The following CNTNAP2 variants were observed in gnomAD, a reference collection of about 807,000 sequenced individuals.
CNTNAP2 encodes contactin-associated protein-like 2.
A neutral mutation model predicts 155.2 loss-of-function variants in CNTNAP2; 98 were observed. The ratio of observed to expected loss-of-function variants is 0.63; its 90% CI spans 0.54 to 0.75. The LOEUF (loss-of-function observed/expected upper bound fraction) is 0.75, where lower values mean the gene tolerates loss of function less well. CNTNAP2 is among the 30% of genes least tolerant of loss of function. The pLI is 0.00. For synonymous variants in CNTNAP2, 651 were observed against 631.2 expected (o/e 1.03, Z -0.47); for missense variants, 1,727 against 1,688.1 (o/e 1.02, Z -0.40).
intron 22 of CNTNAP2, among the ~76,000 whole-genome samples, chr7:148,395,100 A>G (rs1017618372): frequency 1.4e-5 from 2 of 143,118 alleles, no homozygotes; most frequent in African/African-American, 2.6e-5. Flanking sequence ...CGTGTTTTTT[A>G]TATTGAATGT....
chr7:148,194,902 G>C (rs1250605177), intron 18 of CNTNAP2, among the ~76,000 whole-genome samples: 9 of 152,148 alleles, frequency 5.9e-5, no homozygotes, highest in Non-Finnish European at 1.2e-4. Context: ...CACCCTCACA[G>C]ACACACCCCA....
At chr7:147,459,885 G>A (rs78700542) in intron 10 of CNTNAP2, among the ~76,000 whole-genome samples, 2,831 of 152,202 alleles carry the variant, frequency 0.019, 76 homozygotes, top group African/African-American at 0.064. Context: ...AAATAGGTAG[G>A]TCTGAAACAG....
intron 1 of CNTNAP2, among the ~76,000 whole-genome samples, chr7:146,126,884 C>A (rs1263389106): frequency 6.6e-6 from 1 of 152,182 alleles, no homozygotes; most frequent in East Asian, 1.9e-4. Context: ...CCTATCACAG[C>A]TTCTATAGTT....
At chr7:147,176,182 A>G (rs1228597247) in intron 8 of CNTNAP2, among the ~76,000 whole-genome samples, 2 of 152,232 alleles carry the variant, frequency 1.3e-5, no homozygotes, top group African/African-American at 4.8e-5. Flanking sequence ...CTCTAAGGCC[A>G]GAAAGCCTAA....
chr7:146,122,621 G>T (rs529589236), intron 1 of CNTNAP2, among the ~76,000 whole-genome samples: 10 of 151,404 alleles, frequency 6.6e-5, no homozygotes, highest in African/African-American at 9.7e-5. Flanking sequence ...TGAAGATTTG[G>T]TGTTACTCTG....
intron 1 of CNTNAP2, among the ~76,000 whole-genome samples, chr7:146,672,711 C>T (rs1800331578): frequency 6.6e-6 from 1 of 152,162 alleles, no homozygotes; most frequent in South Asian, 2.1e-4. Flanking sequence ...CAAATAGGTA[C>T]AATGCACTGT....
At chr7:146,508,944 C>CT (rs34659194) in intron 1 of CNTNAP2, among the ~76,000 whole-genome samples, 2 of 152,138 alleles carry the variant, frequency 1.3e-5, no homozygotes, top group South Asian at 2.1e-4. Context: ...TACCTTCCCC[C>CT]TTTTTATGGC....
chr7:147,438,157 T>A (rs568100626), intron 10 of CNTNAP2, among the ~76,000 whole-genome samples: 25 of 152,044 alleles, frequency 1.6e-4, no homozygotes, highest in Non-Finnish European at 3.1e-4. Flanking sequence ...CATTAAATAA[T>A]AGTGGTGAAA....
Position 146,839,751 on chromosome 7 carries a change from A to G in CNTNAP2, c.249A>G (p.Gln83=), listed in dbSNP as rs1803682997. 1 of 1,614,014 alleles carries G rather than the reference A, an allele frequency of 6.2e-7. No individual in the cohort carries two copies. The highest frequency in any genetic ancestry group is 1.1e-5 in the South Asian group (1 of 91,080). The part of the protein sequence containing the change: ...GWSPSDSDHY[Q]WLQVDFGNRK... ...CTCCATCAGACAGCGACCATTATCAATGGCTTCAGGTTGACTTTGGCAATC... is the reference window on the plus strand; with the variant it reads ...CTCCATCAGACAGCGACCATTATCAGTGGCTTCAGGTTGACTTTGGCAATC... Residue 83 remains glutamine, a synonymous_variant, in exon 3 of 24, where the codon CAA becomes CAG. Coordinates refer to ENST00000361727, the MANE Select transcript of CNTNAP2 (RefSeq NM_014141.6).
chr7:146,798,341 G>C (rs962592715), intron 2 of CNTNAP2, among the ~76,000 whole-genome samples: 1 of 151,864 alleles, frequency 6.6e-6, no homozygotes, highest in Non-Finnish European at 1.5e-5. Flanking sequence ...ACATAATTTA[G>C]CATGTTTTCT....
At chr7:146,642,031 G>T (rs532663532) in intron 1 of CNTNAP2, among the ~76,000 whole-genome samples, 3 of 152,232 alleles carry the variant, frequency 2.0e-5, no homozygotes, top group Non-Finnish European at 4.4e-5. Context: ...TAATTGAAGA[G>T]AACTTTTAGG....
chr7:147,547,640 C>G (rs200130276), intron 11 of CNTNAP2, among the ~76,000 whole-genome samples: 3 of 135,234 alleles, frequency 2.2e-5, no homozygotes, highest in Admixed American at 7.5e-5. Flanking sequence ...AACACACACA[C>G]ACACACACAC....
intron 18 of CNTNAP2, among the ~76,000 whole-genome samples, chr7:148,176,069 T>C (rs1794928694): frequency 6.6e-6 from 1 of 152,170 alleles, no homozygotes; most frequent in Admixed American, 6.5e-5. Context: ...CAGGGCTGGA[T>C]TTGAGTAGGT....
chr7:146,797,886 T>C (rs1478504992), intron 2 of CNTNAP2, among the ~76,000 whole-genome samples: 2 of 152,242 alleles, frequency 1.3e-5, no homozygotes, highest in African/African-American at 4.8e-5. Flanking sequence ...TAACTATGTA[T>C]ACATTTGTTA....
intron 1 of CNTNAP2, among the ~76,000 whole-genome samples, chr7:146,369,029 G>GTATATA (rs71525943): frequency 2.2e-4 from 30 of 137,356 alleles, no homozygotes; most frequent in East Asian, 1.7e-3. Context: ...AAAGCATTAT[G>GTATATA]TATATATATA....
intron 21 of CNTNAP2, among the ~76,000 whole-genome samples, chr7:148,328,976 GAAAAAAAAA>G (rs71188969): frequency 2.5e-4 from 17 of 69,260 alleles, no homozygotes; most frequent in African/African-American, 3.2e-4. Flanking sequence ...ACTCTGTCTG[GAAAAAAAAA>G]AAAAAAAAAA....
At chr7:147,145,690 G>A (rs1355761439) in intron 8 of CNTNAP2, among the ~76,000 whole-genome samples, 1 of 151,990 alleles carries the variant, frequency 6.6e-6, no homozygotes, top group Non-Finnish European at 1.5e-5. Context: ...TTATCATTTT[G>A]CTCTATGTTG....
chr7:146,695,728 A>G (rs942501335), intron 1 of CNTNAP2, among the ~76,000 whole-genome samples: 1 of 152,122 alleles, frequency 6.6e-6, no homozygotes, highest in African/African-American at 2.4e-5. Context: ...TGCCAGGCCA[A>G]TTAATGTTTA....
At chr7:147,492,298 G>A (rs891905056) in intron 11 of CNTNAP2, among the ~76,000 whole-genome samples, 19 of 152,136 alleles carry the variant, frequency 1.2e-4, no homozygotes, top group African/African-American at 3.9e-4. Context: ...GACAGAAGAC[G>A]GAGCTCAGGC....
Sources: allele counts gnomAD v4.1 joint callset (sites outside exome capture counted in the v4.1 genomes callset), GRCh38; gene constraint gnomAD v4.1.1; transcripts MANE v1.5; gene names NCBI Gene and HGNC (gene_info 2026-07-23, HGNC 2026-07-21).